The following INPP5A variants were observed in gnomAD, a reference collection of about 807,000 sequenced individuals.
INPP5A encodes the protein 43 kDa inositol polyphosphate 5-phophatase.
INPP5A carries 14 observed loss-of-function variants against 65.2 expected under a neutral mutation model. The observed-to-expected ratio is 0.21, with a 90% CI of 0.14 to 0.34. INPP5A has a LOEUF of 0.34. INPP5A is among the 10% of genes least tolerant of loss of function. The pLI is 1.00. For missense variants in INPP5A, 431 were observed against 545.6 expected, an observed-to-expected ratio of 0.79 and a Z score of 2.09; for synonymous variants, 207 against 208.3, an observed-to-expected ratio of 0.99 and a Z score of 0.05.
At chr10:132,761,383 AGCCAGGCCCTGCTCTGG>A (rs1411542870) in intron 11 of INPP5A, among the ~76,000 whole-genome samples, 1 of 152,208 alleles carries the variant, frequency 6.6e-6, no homozygotes, top group Non-Finnish European at 1.5e-5. Context: ...GCCTGCTCTG[AGCCAGGCCCTGCTCTGG>A]GTTAACAAGA....
At chr10:132,649,961 TTC>T (rs1308947013) in intron 3 of INPP5A, among the ~76,000 whole-genome samples, 5 of 152,178 alleles carry the variant, frequency 3.3e-5, no homozygotes, top group African/African-American at 4.8e-5. Flanking sequence ...TCGCTGCCAC[TTC>T]TGGGAGGAGC....
At chr10:132,590,829 T>TG (rs1469492078) in intron 1 of INPP5A, among the ~76,000 whole-genome samples, 1 of 152,220 alleles carries the variant, frequency 6.6e-6, no homozygotes, top group East Asian at 1.9e-4. Context: ...GCCTGCCGTG[T>TG]GGGTCACTGT....
intron 2 of INPP5A, among the ~76,000 whole-genome samples, chr10:132,628,621 T>C (rs1461074921): frequency 6.6e-6 from 1 of 152,238 alleles, no homozygotes; most frequent in Non-Finnish European, 1.5e-5. Context: ...GGCAGGACTT[T>C]TCTTAGGCTC....
chr10:132,742,299 C>T (rs149651929), intron 9 of INPP5A, among the ~76,000 whole-genome samples: 196 of 152,336 alleles, frequency 1.3e-3, no homozygotes, highest in African/African-American at 4.2e-3. Flanking sequence ...GGCCAGCACG[C>T]GCAGCCCCGC....
chr10:132,579,205 G>C (rs1213832767), intron 1 of INPP5A, among the ~76,000 whole-genome samples: 1 of 152,090 alleles, frequency 6.6e-6, no homozygotes, highest in Admixed American at 6.5e-5. Context: ...GGGGGAAGGA[G>C]AGTGTGGGGG....
chr10:132,723,369 T>C (rs1845921867), intron 8 of INPP5A, among the ~76,000 whole-genome samples: 3 of 152,242 alleles, frequency 2.0e-5, no homozygotes, highest in African/African-American at 7.2e-5. Flanking sequence ...TCCGTCAGGG[T>C]TCTGCTGTTT....
chr10:132,606,782 A>G (rs2071859871), intron 1 of INPP5A, among the ~76,000 whole-genome samples: 1 of 152,148 alleles, frequency 6.6e-6, no homozygotes, highest in Non-Finnish European at 1.5e-5. Context: ...AGACCAGGGC[A>G]GGGGCTTTAG....
intron 9 of INPP5A, among the ~76,000 whole-genome samples, chr10:132,732,295 A>G (rs541377096): frequency 3.3e-5 from 5 of 152,356 alleles, no homozygotes; most frequent in African/African-American, 9.6e-5. Flanking sequence ...AGATCCTTGC[A>G]TTAGTGTTTG....
chr10:132,710,567 GGT>G, intron 8 of INPP5A, 111 bp downstream of exon 8: 17 of 1,448,218 alleles, frequency 1.2e-5, no homozygotes, highest in Non-Finnish European at 1.5e-5. Context: ...TGGGCAGGTC[GGT>G]GTGGGTGGAC....
intron 6 of INPP5A, among the ~76,000 whole-genome samples, chr10:132,703,270 A>T (rs1356907979): frequency 6.6e-6 from 1 of 152,088 alleles, no homozygotes; most frequent in East Asian, 1.9e-4. Flanking sequence ...GGTCGTTGTC[A>T]TACGTGCCTC....
chr10:132,680,318 C>A (rs2073025475), intron 4 of INPP5A, among the ~76,000 whole-genome samples: 3 of 152,222 alleles, frequency 2.0e-5, no homozygotes, highest in Admixed American at 6.5e-5. Flanking sequence ...CCTCCAAGGA[C>A]GGCGTGGAGA....
chr10:132,591,656 G>GT (rs2071621364), intron 1 of INPP5A, among the ~76,000 whole-genome samples: 1 of 152,230 alleles, frequency 6.6e-6, no homozygotes, highest in South Asian at 2.1e-4. Context: ...GATGGCTGTT[G>GT]TTTTGTCTGT....
chr10:132,736,520 A>G (rs1846179355), intron 9 of INPP5A, among the ~76,000 whole-genome samples: 1 of 152,222 alleles, frequency 6.6e-6, no homozygotes, highest in African/African-American at 2.4e-5. Flanking sequence ...TGACGTCGCA[A>G]GGAGACACCC....
At chr10:132,703,766 CCA>C (rs1235568435) in intron 6 of INPP5A, among the ~76,000 whole-genome samples, 1 of 74,058 alleles carries the variant, frequency 1.4e-5, no homozygotes. Flanking sequence ...TTCACCCCCC[CCA>C]CACACACACA....
rs553633728 is a variant in INPP5A, at chr10:132,633,528, G to A, written c.118-12340G>A. On this transcript the variant is annotated intron_variant, in intron 2 of 15. Transcript: ENST00000368594. ...GTGGGTTCGTACTGTCTGAGCCTGG[G>A]CACCGCACCTCCTCCAGAGCTGGCA... 3.3e-5 allele frequency among the ~76,000 whole-genome samples: 5 copies of A among 152,278 alleles called. No individual in the cohort carries two copies. The East Asian group carries it at 9.7e-4, about 29-fold the overall frequency.
In INPP5A at chr10:132,706,635, C is replaced by T. The variant is rs1318835975; in HGVS notation, c.475-1678C>T. On this transcript the variant is annotated intron_variant, in intron 6 of 15. Coordinates refer to ENST00000368594, the MANE Select transcript of INPP5A (RefSeq NM_005539.5). This position sits in a 1 kb window ranked among gnomAD's most constrained non-coding sequence, Gnocchi z 4.7. Reference sequence around the variant, plus strand: ...CCAGTGTGTGGGGCTTGGAATTTCCCTTCTTGAGCATGAGTGGGAGCACTT... The same window carrying T: ...CCAGTGTGTGGGGCTTGGAATTTCCTTTCTTGAGCATGAGTGGGAGCACTT... Among the ~76,000 whole-genome samples the T allele has an allele frequency of 6.6e-6, 1 of 152,132 alleles. No individual in the cohort carries two copies. The highest frequency in any genetic ancestry group is 1.5e-5 in the Non-Finnish European group (1 of 68,034).
intron 1 of INPP5A, among the ~76,000 whole-genome samples, chr10:132,569,195 A>T (rs957691538): frequency 2.0e-5 from 3 of 152,144 alleles, no homozygotes; most frequent in Non-Finnish European, 4.4e-5. Context: ...TACAGCAGAG[A>T]GTGTTAAGTT....
chr10:132,679,480 G>A (rs930876592), intron 4 of INPP5A, among the ~76,000 whole-genome samples: 17 of 152,120 alleles, frequency 1.1e-4, no homozygotes, highest in South Asian at 1.0e-3. Flanking sequence ...CCACCCCAGC[G>A]GGAGGAGGAG....
intron 9 of INPP5A, among the ~76,000 whole-genome samples, chr10:132,728,243 A>C (rs1564986995): frequency 6.6e-6 from 1 of 152,150 alleles, no homozygotes; most frequent in East Asian, 1.9e-4. Flanking sequence ...GAGCACATGG[A>C]GTTTTTAAAG....
Sources: allele counts gnomAD v4.1 joint callset (sites outside exome capture counted in the v4.1 genomes callset), GRCh38; gene constraint gnomAD v4.1.1; non-coding constraint Gnocchi (gnomAD v3.1); transcripts MANE v1.5; gene names NCBI Gene and HGNC (gene_info 2026-07-23, HGNC 2026-07-21).